Variants in PTPRM observed in about 807,000 individuals in gnomAD.
The protein encoded by PTPRM is protein tyrosine phosphatase receptor type M.
Under a neutral mutation model 186.7 loss-of-function variants are expected in PTPRM, and 47 were observed. The observed-to-expected ratio is 0.25, with a 90% CI of 0.20 to 0.32. The LOEUF (loss-of-function observed/expected upper bound fraction) is 0.32, where lower values mean the gene tolerates loss of function less well. PTPRM is among the 10% of genes least tolerant of loss of function. PTPRM has a pLI of 1.00. For synonymous variants in PTPRM, 668 were observed against 674.9 expected (o/e 0.99, Z 0.16); for missense variants, 1,494 against 1,865.0 (o/e 0.80, Z 3.66).
intron 1 of PTPRM, among the ~76,000 whole-genome samples, chr18:7,688,160 C>G (rs1051428916): frequency 2.6e-5 from 4 of 152,146 alleles, no homozygotes; most frequent in South Asian, 2.1e-4. Context: ...TTGTCACACT[C>G]TCACGTATCT....
At chr18:7,630,583 G>A (rs1372434154) in intron 1 of PTPRM, among the ~76,000 whole-genome samples, 1 of 152,178 alleles carries the variant, frequency 6.6e-6, no homozygotes. Flanking sequence ...AAAAGATGGA[G>A]TAGCCTTTTG....
intron 2 of PTPRM, among the ~76,000 whole-genome samples, chr18:7,880,705 G>A (rs2048463308): frequency 6.6e-6 from 1 of 152,180 alleles, no homozygotes; most frequent in Admixed American, 6.5e-5. Context: ...TTCTCCACAG[G>A]CCTTCCTCTT....
At chr18:8,138,801 T>A (rs2092697743) in intron 13 of PTPRM, among the ~76,000 whole-genome samples, 1 of 152,160 alleles carries the variant, frequency 6.6e-6, no homozygotes, top group Non-Finnish European at 1.5e-5. Context: ...CTCTATGGTA[T>A]CATTAGCATT....
intron 22 of PTPRM, among the ~76,000 whole-genome samples, chr18:8,323,254 C>G (rs1393138350): frequency 2.0e-5 from 3 of 152,096 alleles, no homozygotes; most frequent in African/African-American, 7.2e-5. Context: ...TCCTGAGCAT[C>G]CTTCCTCACT....
chr18:8,179,884 TCTTTAC>T (rs1459799812), intron 14 of PTPRM, among the ~76,000 whole-genome samples: 1 of 152,232 alleles, frequency 6.6e-6, no homozygotes, highest in Non-Finnish European at 1.5e-5. Flanking sequence ...CAAAAATACC[TCTTTAC>T]CTTTATAACC....
intron 2 of PTPRM, among the ~76,000 whole-genome samples, chr18:7,869,308 A>G (rs952760471): frequency 3.9e-5 from 6 of 151,946 alleles, no homozygotes; most frequent in Admixed American, 2.0e-4. Flanking sequence ...TGTGCTTGAA[A>G]CCCAGGGCCC....
At chr18:7,607,245 C>T (rs1039499039) in intron 1 of PTPRM, among the ~76,000 whole-genome samples, 1 of 152,052 alleles carries the variant, frequency 6.6e-6, no homozygotes, top group Non-Finnish European at 1.5e-5. Flanking sequence ...TCTGGAGCTG[C>T]GAGGAATAGA....
chr18:8,357,251 C>T (rs2095568134), intron 23 of PTPRM, among the ~76,000 whole-genome samples: 1 of 152,242 alleles, frequency 6.6e-6, no homozygotes, highest in Non-Finnish European at 1.5e-5. Context: ...ACCAGTGAGA[C>T]AAATTCTGTC....
At chr18:7,912,450 G>T (rs953471842) in intron 4 of PTPRM, among the ~76,000 whole-genome samples, 1 of 152,050 alleles carries the variant, frequency 6.6e-6, no homozygotes, top group African/African-American at 2.4e-5. Flanking sequence ...TTGAAATTTG[G>T]ATCAGTGGGT....
At chr18:7,978,029 G>A (rs34728474) in intron 7 of PTPRM, among the ~76,000 whole-genome samples, 6,666 of 152,284 alleles carry the variant, frequency 0.044, 211 homozygotes, top group Non-Finnish European at 0.071. Flanking sequence ...TTTGCAGTGC[G>A]TCTGTTTACA....
intron 30 of PTPRM, among the ~76,000 whole-genome samples, 163 bp downstream of exon 30, chr18:8,384,849 A>C (rs1034862717): frequency 2.0e-5 from 3 of 152,202 alleles, no homozygotes; most frequent in Admixed American, 1.3e-4. Context: ...CTTACATTCT[A>C]ATAGGAGCAG....
chr18:7,946,287 A>C (rs2052519318), intron 5 of PTPRM, among the ~76,000 whole-genome samples: 1 of 152,230 alleles, frequency 6.6e-6, no homozygotes, highest in South Asian at 2.1e-4. Context: ...TCTGTTTGGA[A>C]AAATATTAGG....
chr18:7,996,616 G>A (rs1390732076), intron 7 of PTPRM, among the ~76,000 whole-genome samples: 1 of 152,032 alleles, frequency 6.6e-6, no homozygotes, highest in Non-Finnish European at 1.5e-5. Flanking sequence ...GTTTGCAGAT[G>A]ACATGATCTT....
chr18:7,634,778 A>G (rs1403455729), intron 1 of PTPRM, among the ~76,000 whole-genome samples: 3 of 152,198 alleles, frequency 2.0e-5, no homozygotes, highest in African/African-American at 4.8e-5. Flanking sequence ...CAACTTATTT[A>G]CAAATAGAAA....
At chr18:8,405,061 G>T (rs1297979520) in intron 32 of PTPRM, 1 of 152,126 alleles carries the variant, frequency 6.6e-6, no homozygotes, top group Non-Finnish European at 1.5e-5. Flanking sequence ...TAATTAGGAG[G>T]CTGAGGTGGG....
intron 24 of PTPRM, among the ~76,000 whole-genome samples, chr18:8,372,926 G>GT (rs2095672243): frequency 6.6e-6 from 1 of 151,938 alleles, no homozygotes; most frequent in South Asian, 2.1e-4. Flanking sequence ...TAAAGGAAGG[G>GT]TTTGTTTGTT....
intron 2 of PTPRM, among the ~76,000 whole-genome samples, chr18:7,776,299 C>T (rs2042575415): frequency 6.6e-6 from 1 of 152,082 alleles, no homozygotes; most frequent in Non-Finnish European, 1.5e-5. Flanking sequence ...GGACCCTCAC[C>T]CCCAAACAGA....
chr18:8,353,627 T>C lies in PTPRM; in HGVS notation c.3054+10107T>C, dbSNP rs542797753. Among the ~76,000 whole-genome samples the C allele has an allele frequency of 4.6e-5, 7 of 152,192 alleles. No individual in the cohort carries two copies. In the South Asian group the frequency reaches 1.5e-3, roughly 32 times the overall value. The stretch of plus-strand genomic sequence containing the variant: ...TGCTATAAAGGATATTAACCAAGAA[T>C]GGGTATCTCTTTCCAGCCCACCCCC... On this transcript the variant is annotated intron_variant, in intron 23 of 32. Transcript: ENST00000580170.
chr18:7,653,266 C>G (rs529839974), intron 1 of PTPRM, among the ~76,000 whole-genome samples: 18 of 152,008 alleles, frequency 1.2e-4, no homozygotes, highest in Non-Finnish European at 2.1e-4. Flanking sequence ...CCCAGGTCAG[C>G]CTCCCAAGTA....
Sources: gnomAD v4.1 joint callset for allele counts (sites outside exome capture counted in the v4.1 genomes callset) on GRCh38, gnomAD v4.1.1 for gene constraint, MANE v1.5 for transcripts, NCBI Gene and HGNC (gene_info 2026-07-23, HGNC 2026-07-21) for gene names.